Variants in SPAG16 observed in about 807,000 individuals in gnomAD.
The protein encoded by SPAG16 is sperm-associated antigen 16 protein.
In SPAG16, 86 loss-of-function variants were observed where a neutral mutation model predicts 80.4. That is an observed-to-expected ratio of 1.07 (90% CI 0.90 to 1.28). The LOEUF is 1.28. SPAG16 is among the 50% of genes most tolerant of loss of function. SPAG16 has a pLI of 0.00. For synonymous variants in SPAG16, 294 were observed against 265.9 expected (o/e 1.11, Z -1.03); for missense variants, 870 against 765.3 (o/e 1.14, Z -1.61).
intron 10 of SPAG16, among the ~76,000 whole-genome samples, chr2:213,525,469 A>G (rs1191539799): frequency 6.6e-6 from 1 of 151,364 alleles, no homozygotes; most frequent in African/African-American, 2.4e-5. Flanking sequence ...TTGTATTTTT[A>G]GTAGAGATGG....
intron 15 of SPAG16, among the ~76,000 whole-genome samples, chr2:214,290,115 GT>G (rs370579144): frequency 6.6e-6 from 1 of 151,302 alleles, no homozygotes; most frequent in Non-Finnish European, 1.5e-5. Context: ...GTATGTTCAG[GT>G]TTTTTTTTAC....
At chr2:213,990,995 T>A (rs891752450) in intron 12 of SPAG16, among the ~76,000 whole-genome samples, 2 of 152,066 alleles carry the variant, frequency 1.3e-5, no homozygotes, top group African/African-American at 4.8e-5. Context: ...CAAATCCACT[T>A]ATTTTTTTTT....
chr2:214,313,054 C>T (rs548804460), intron 15 of SPAG16, among the ~76,000 whole-genome samples: 124 of 151,708 alleles, frequency 8.2e-4, no homozygotes, highest in Non-Finnish European at 1.3e-3. Flanking sequence ...AAGCTACCTG[C>T]GAATATTTCA....
intron 12 of SPAG16, among the ~76,000 whole-genome samples, chr2:213,945,757 T>G (rs2079423950): frequency 6.6e-6 from 1 of 152,148 alleles, no homozygotes; most frequent in South Asian, 2.1e-4. Context: ...GCAGGAAGTG[T>G]GCACTCACCA....
At chr2:213,993,702 G>T (rs13416220) in intron 12 of SPAG16, among the ~76,000 whole-genome samples, 39,645 of 152,098 alleles carry the variant, frequency 0.26, 6,005 homozygotes, top group South Asian at 0.57. Flanking sequence ...TGAATCCAAA[G>T]ATAAAGTATA....
intron 9 of SPAG16, among the ~76,000 whole-genome samples, chr2:213,454,187 G>A (rs2071866854): frequency 6.6e-6 from 1 of 152,020 alleles, no homozygotes; most frequent in South Asian, 2.1e-4. Context: ...TCTTCTCTAT[G>A]TAGATTATAA....
At chr2:214,344,139 G>A (rs1697905382) in intron 15 of SPAG16, among the ~76,000 whole-genome samples, 1 of 152,090 alleles carries the variant, frequency 6.6e-6, no homozygotes, top group Non-Finnish European at 1.5e-5. Context: ...GTATCAGTAT[G>A]TATTGGAAAA....
chr2:214,050,172 A>G (rs1261989463), intron 13 of SPAG16, among the ~76,000 whole-genome samples: 1 of 152,098 alleles, frequency 6.6e-6, no homozygotes, highest in African/African-American at 2.4e-5. Context: ...TCTCTTAGGG[A>G]CACGGTGGTA....
rs954551062 is a variant in SPAG16, at chr2:214,397,528, A to G, written c.1721-12612A>G. On this transcript the variant is annotated intron_variant, in intron 15 of 15. Coordinates refer to ENST00000331683, the MANE Select transcript of SPAG16 (RefSeq NM_024532.5). ...CAAATTTTTCTATTCCTTCGCAACT[A>G]TAATTCCCACTTTACCCCTACCTTC... 2.6e-5 allele frequency among the ~76,000 whole-genome samples: 4 copies of G among 152,284 alleles called. No individual in the cohort carries two copies. In the East Asian group the frequency reaches 5.8e-4, roughly 22 times the overall value.
intron 10 of SPAG16, among the ~76,000 whole-genome samples, chr2:213,859,993 T>TTGATGATGATGATGATGA (rs112613257): frequency 0.3 from 44,958 of 150,514 alleles, 7,141 homozygotes; most frequent in East Asian, 0.42. Context: ...TTACCATTAG[T>TTGATGATGATGATGATGA]TGATGATGAT....
chr2:213,910,430 CA>C (rs1462419232), intron 11 of SPAG16, among the ~76,000 whole-genome samples: 3 of 150,922 alleles, frequency 2.0e-5, no homozygotes, highest in African/African-American at 7.3e-5. Context: ...AGAATTTTTA[CA>C]AAATAATCCC....
chr2:214,232,732 C>T (rs1342694984), intron 15 of SPAG16, among the ~76,000 whole-genome samples: 2 of 151,876 alleles, frequency 1.3e-5, no homozygotes, highest in African/African-American at 4.8e-5. Context: ...TATTCAATGA[C>T]TATATTTAGT....
At chr2:213,723,029 G>A (rs2066598990) in intron 10 of SPAG16, among the ~76,000 whole-genome samples, 2 of 152,052 alleles carry the variant, frequency 1.3e-5, no homozygotes, top group Admixed American at 1.3e-4. Context: ...AATTTTGAGG[G>A]GACACCAACA....
chr2:214,209,110 C>G (rs938071728), intron 15 of SPAG16, among the ~76,000 whole-genome samples: 1 of 152,058 alleles, frequency 6.6e-6, no homozygotes, highest in African/African-American at 2.4e-5. Flanking sequence ...ATCCCATTAG[C>G]TAAAAGGATC....
chr2:213,386,151 C>T (rs927313469), intron 9 of SPAG16, among the ~76,000 whole-genome samples: 6 of 152,210 alleles, frequency 3.9e-5, no homozygotes, highest in Admixed American at 2.6e-4. Flanking sequence ...TGTCTTAAAT[C>T]GTATTCTTCC....
At chr2:213,893,540 T>A (rs1324191885) in intron 11 of SPAG16, among the ~76,000 whole-genome samples, 1 of 152,120 alleles carries the variant, frequency 6.6e-6, no homozygotes, top group East Asian at 1.9e-4. Flanking sequence ...TAATATAAAA[T>A]ATGTAAACTA....
chr2:213,365,391 A>T (rs1201641024), intron 8 of SPAG16: 1 of 152,216 alleles, frequency 6.6e-6, no homozygotes, highest in Non-Finnish European at 1.5e-5. Flanking sequence ...TTAAGCAAAG[A>T]AATGAGAACA....
chr2:213,950,142 A>G (rs1024002442), intron 12 of SPAG16, among the ~76,000 whole-genome samples: 2 of 152,336 alleles, frequency 1.3e-5, no homozygotes, highest in South Asian at 2.1e-4. Context: ...TCTAGCTAGA[A>G]TTAATTAAGC....
Position 213,939,311 on chromosome 2 carries a change from T to C in SPAG16, c.1400+9166T>C, listed in dbSNP as rs774810035. ...GTCCAGACCCTTGCCCTTGTGGAGC[T>C]TACATTACAGAAAAAAGTGTCACTG... On this transcript the variant is annotated intron_variant, in intron 12 of 15. Transcript: ENST00000331683. Among the ~76,000 whole-genome samples the C allele has an allele frequency of 5.2e-4, 79 of 152,210 alleles. 1 individual carries two copies. Among genetic ancestry groups the C allele is most frequent in the Non-Finnish European group, 1.0e-4 (7 of 68,034 alleles).
Sources: allele counts gnomAD v4.1 joint callset (sites outside exome capture counted in the v4.1 genomes callset), GRCh38; gene constraint gnomAD v4.1.1; transcripts MANE v1.5; gene names NCBI Gene and HGNC (gene_info 2026-07-23, HGNC 2026-07-21).